SEPTIN14: variants seen among roughly 807,000 people sequenced by gnomAD.
SEPTIN14 encodes the protein septin-14.
In SEPTIN14, 40 loss-of-function variants were observed where a neutral mutation model predicts 53.6. That is an observed-to-expected ratio of 0.75 (90% CI 0.58 to 0.97). The LOEUF is 0.97. Among genes scored for constraint, SEPTIN14 ranks in the 50% least tolerant of loss-of-function variants. The pLI, the probability that SEPTIN14 is intolerant of heterozygous loss-of-function variation, is 0.00. For missense variants in SEPTIN14, 471 were observed against 508.2 expected (o/e 0.93, Z 0.70); for synonymous variants, 138 against 166.8 (o/e 0.83, Z 1.33).
rs1223755041 is a variant in SEPTIN14, at chr7:55,794,465, A to G, written c.*1448T>C. On this transcript the variant is annotated 3_prime_UTR_variant, in exon 10 of 10. Transcript: ENST00000388975. Reference sequence around the variant, plus strand: ...ATTGCTGGGTCCATTTATTCAATGAATAATTGCTGCTATGCGTCAGACATT... The same window carrying G: ...ATTGCTGGGTCCATTTATTCAATGAGTAATTGCTGCTATGCGTCAGACATT... The G allele has an allele frequency of 6.6e-6, 1 of 152,186 alleles. No individual in the cohort carries two copies. Among genetic ancestry groups the G allele is most frequent in the Non-Finnish European group, 1.5e-5 (1 of 68,042 alleles). 9.4% of individuals were successfully genotyped at this position (152,186 alleles called of 1,614,324 possible). A position where few individuals can be genotyped will look rare whatever the true frequency, so the allele number is the denominator to read the frequency against.
intron 2 of SEPTIN14, among the ~76,000 whole-genome samples, chr7:55,856,709 A>T (rs1584275892): frequency 6.6e-6 from 1 of 152,150 alleles, no homozygotes; most frequent in East Asian, 1.9e-4. Context: ...CACATTTTTT[A>T]ATCCAATCTG....
At chr7:55,844,760 G>T in intron 3 of SEPTIN14, 42 bp from the exon 4 acceptor site, 2 of 1,109,598 alleles carry the variant, frequency 1.8e-6, no homozygotes, top group Non-Finnish European at 2.5e-6. Context: ...ACATAAAGGG[G>T]CTAAGAAAAA....
At chr7:55,857,562 G>C (rs1789661182) in intron 2 of SEPTIN14, among the ~76,000 whole-genome samples, 1 of 122,596 alleles carries the variant, frequency 8.2e-6, no homozygotes, top group Non-Finnish European at 1.7e-5. Context: ...GAGGGGAGGG[G>C]AGGGGAGGGG....
chr7:55,855,742 C>T (rs963612356), intron 2 of SEPTIN14, among the ~76,000 whole-genome samples: 2 of 151,812 alleles, frequency 1.3e-5, no homozygotes, highest in African/African-American at 4.8e-5. Flanking sequence ...TTAGTAGAGA[C>T]GGAGTTTCAC....
intron 2 of SEPTIN14, among the ~76,000 whole-genome samples, chr7:55,858,402 C>T (rs985478819): frequency 1.3e-5 from 2 of 152,182 alleles, no homozygotes; most frequent in Admixed American, 6.5e-5. Context: ...CTTTCTGAGG[C>T]ATAGCACAAA....
At chr7:55,846,686 G>T (rs1179134776) in intron 2 of SEPTIN14, 49 bp from the exon 3 acceptor site, 1 of 1,061,582 alleles carries the variant, frequency 9.4e-7, no homozygotes, top group South Asian at 1.5e-5. Flanking sequence ...AAAAAATGAA[G>T]TCATTTGAAA....
At position 55,794,974 on chromosome 7, in the gene SEPTIN14, T is replaced by C. The variant is rs1788404644; in HGVS notation, c.*939A>G. On this transcript the variant is annotated 3_prime_UTR_variant, in exon 10 of 10. Transcript: ENST00000388975. ...CCTTATTTTCTACAACTTTGATAACTTTGGCATATACCCCAAATCTGTAAC... is the reference window on the plus strand; with the variant it reads ...CCTTATTTTCTACAACTTTGATAACCTTGGCATATACCCCAAATCTGTAAC... The C allele has an allele frequency of 6.6e-6, 1 of 152,106 alleles. No homozygotes were observed. The highest frequency in any genetic ancestry group is 6.6e-5 in the Admixed American group (1 of 15,258). The allele number at this position is 152,106 out of a possible 1,614,324, so 9.4% of individuals were successfully genotyped here.
chr7:55,837,025 T>C (rs553266725), intron 5 of SEPTIN14, among the ~76,000 whole-genome samples: 1 of 151,794 alleles, frequency 6.6e-6, no homozygotes, highest in Non-Finnish European at 1.5e-5. Context: ...TAGGGCTGAG[T>C]GCAGAAAAGA....
intron 1 of SEPTIN14, among the ~76,000 whole-genome samples, 172 bp from the exon 2 acceptor site, chr7:55,862,183 C>A (rs1789760458): frequency 1.3e-5 from 2 of 152,114 alleles, no homozygotes; most frequent in Admixed American, 6.6e-5. Flanking sequence ...TGGGCTTCTA[C>A]ATGATGAATA....
intron 4 of SEPTIN14, among the ~76,000 whole-genome samples, chr7:55,843,414 G>C (rs544919060): frequency 1.4e-4 from 22 of 152,192 alleles, no homozygotes; most frequent in Admixed American, 2.6e-4. Flanking sequence ...ACAACAACAA[G>C]AAGAACAAAT....
intron 7 of SEPTIN14, among the ~76,000 whole-genome samples, chr7:55,815,785 AT>A (rs1788781221): frequency 6.6e-6 from 1 of 152,186 alleles, no homozygotes; most frequent in South Asian, 2.1e-4. Flanking sequence ...GGAAAACAGT[AT>A]GGAGTTTCCT....
intron 2 of SEPTIN14, among the ~76,000 whole-genome samples, chr7:55,850,314 C>CA (rs1789496121): frequency 6.6e-6 from 1 of 151,764 alleles, no homozygotes; most frequent in African/African-American, 2.4e-5. Context: ...CTACTAAACA[C>CA]AAAAAATTAG....
intron 3 of SEPTIN14, among the ~76,000 whole-genome samples, chr7:55,845,950 G>C (rs1789394905): frequency 6.7e-6 from 1 of 149,308 alleles, no homozygotes; most frequent in Non-Finnish European, 1.5e-5. Flanking sequence ...TTGGGAGGCT[G>C]AGGCAGGAGA....
intron 6 of SEPTIN14, among the ~76,000 whole-genome samples, chr7:55,822,622 C>G (rs1284114827): frequency 6.6e-6 from 1 of 151,970 alleles, no homozygotes; most frequent in Non-Finnish European, 1.5e-5. Flanking sequence ...TAATATTTGA[C>G]AAAGAAGCAA....
chr7:55,799,711 T>A (rs1788496796), intron 9 of SEPTIN14, among the ~76,000 whole-genome samples: 1 of 152,000 alleles, frequency 6.6e-6, no homozygotes, highest in African/African-American at 2.4e-5. Flanking sequence ...ATCAAATATA[T>A]GACAACATTG....
At chr7:55,853,298 A>C (rs1789551698) in intron 2 of SEPTIN14, among the ~76,000 whole-genome samples, 1 of 152,222 alleles carries the variant, frequency 6.6e-6, no homozygotes, top group East Asian at 1.9e-4. Context: ...CAACAGATGA[A>C]TGGACCAAGA....
chr7:55,800,620 T>C (rs1788508656), intron 9 of SEPTIN14, among the ~76,000 whole-genome samples: 2 of 141,442 alleles, frequency 1.4e-5, no homozygotes. Flanking sequence ...CGAGACTTTG[T>C]CTCAAAAAAA....
At position 55,842,928 on chromosome 7, in the gene SEPTIN14, T is replaced by C. The variant is rs747072571; in HGVS notation, c.558+14A>G. 1.7e-5 allele frequency: 25 copies of C among 1,467,460 alleles called. 1 individual carries two copies. In the South Asian group the frequency reaches 3.1e-4, roughly 18 times the overall value. 90.9% of individuals were successfully genotyped at this position (1,467,460 alleles called of 1,614,324 possible). A position where few individuals can be genotyped will look rare whatever the true frequency, so the allele number is the denominator to read the frequency against. ...GTCTCAAAAAAAAAAAGATGGTAGA[T>C]TTACCAAACATACCTTACTGTCAAG... On this transcript the variant is annotated intron_variant, in intron 5 of 9. Coordinates refer to ENST00000388975, the MANE Select transcript of SEPTIN14 (RefSeq NM_207366.3).
chr7:55,832,939 T>C (rs1366507222), intron 6 of SEPTIN14, among the ~76,000 whole-genome samples: 1 of 152,170 alleles, frequency 6.6e-6, no homozygotes. Flanking sequence ...ATATATCTAT[T>C]TGACAAATAT....
Sources: allele counts gnomAD v4.1 joint callset (sites outside exome capture counted in the v4.1 genomes callset), GRCh38; gene constraint gnomAD v4.1.1; transcripts MANE v1.5; gene names NCBI Gene and HGNC (gene_info 2026-07-23, HGNC 2026-07-21).